Variants in NRG3 observed in about 807,000 individuals in gnomAD.
NRG3 encodes the protein pro-neuregulin-3, membrane-bound isoform.
A neutral mutation model predicts 66.9 loss-of-function variants in NRG3; 31 were observed. The observed-to-expected ratio is 0.46, with a 90% CI of 0.35 to 0.63. NRG3 has a LOEUF of 0.63. NRG3 is among the 20% of genes least tolerant of loss of function. NRG3 has a pLI of 0.00. For missense variants in NRG3, 910 were observed against 878.9 expected, an observed-to-expected ratio of 1.04 and a Z score of -0.45; for synonymous variants, 393 against 359.4, an observed-to-expected ratio of 1.09 and a Z score of -1.06.
At chr10:81,965,544 C>T (rs2059699738) in intron 1 of NRG3, among the ~76,000 whole-genome samples, 1 of 152,118 alleles carries the variant, frequency 6.6e-6, no homozygotes, top group African/African-American at 2.4e-5. Flanking sequence ...TTTTATGATA[C>T]TGAGTTATCC....
chr10:82,660,533 A>T (rs1020791208), intron 2 of NRG3, among the ~76,000 whole-genome samples: 1 of 152,214 alleles, frequency 6.6e-6, no homozygotes, highest in Non-Finnish European at 1.5e-5. Context: ...ACATTAATGT[A>T]AAGTGGCAGT....
chr10:82,623,859 T>C (rs1405504050), intron 2 of NRG3, among the ~76,000 whole-genome samples: 1 of 152,158 alleles, frequency 6.6e-6, no homozygotes, highest in African/African-American at 2.4e-5. Context: ...ATTATTGCAT[T>C]TTCTTACCCC....
intron 2 of NRG3, among the ~76,000 whole-genome samples, chr10:82,541,191 T>C (rs1192695942): frequency 6.6e-6 from 1 of 152,148 alleles, no homozygotes; most frequent in Non-Finnish European, 1.5e-5. Flanking sequence ...CTAATACTTA[T>C]TGGTAGATAT....
intron 1 of NRG3, among the ~76,000 whole-genome samples, chr10:82,007,823 T>G (rs886244397): frequency 2.0e-5 from 3 of 152,184 alleles, no homozygotes; most frequent in Non-Finnish European, 4.4e-5. Context: ...CTTTTTCACC[T>G]GTTATCGTGA....
intron 1 of NRG3, among the ~76,000 whole-genome samples, chr10:82,086,706 G>A (rs930155931): frequency 1.6e-4 from 24 of 152,128 alleles, no homozygotes; most frequent in African/African-American, 5.5e-4. Context: ...TTGGATCTTG[G>A]GCAGGAAAAA....
chr10:82,893,555 G>A (rs4034740), intron 4 of NRG3, among the ~76,000 whole-genome samples: 66,937 of 151,622 alleles, frequency 0.44, 15,128 homozygotes, highest in East Asian at 0.66. Context: ...GGGTGTGTTG[G>A]CGTGTGCCTG....
At chr10:82,275,442 A>G (rs1391914050) in intron 1 of NRG3, among the ~76,000 whole-genome samples, 2 of 152,026 alleles carry the variant, frequency 1.3e-5, no homozygotes, top group Non-Finnish European at 2.9e-5. Flanking sequence ...AGGCACTTAC[A>G]TGACCTAAAA....
intron 1 of NRG3, among the ~76,000 whole-genome samples, chr10:82,210,162 A>C (rs186560603): frequency 3.4e-3 from 519 of 152,284 alleles, no homozygotes; most frequent in African/African-American, 0.012. Flanking sequence ...TTATAAGAAA[A>C]CATTAAAATT....
At position 82,176,880 on chromosome 10, in the gene NRG3, G is replaced by GACACACACACACACACAC. The variant is rs142443398; in HGVS notation, c.824-181851_824-181834dup. The stretch of plus-strand genomic sequence containing the variant: ...CACAAAGCCTCGATTTTTAAAACAA[G>GACACACACACACACACAC]ACACACACACACACACACACACACA... On this transcript the variant is annotated intron_variant, in intron 1 of 8. Transcript: ENST00000372141. Among the ~76,000 whole-genome samples, 733 of 146,228 alleles carry GACACACACACACACACAC rather than the reference G, an allele frequency of 5.0e-3. 2 individuals carry two copies. The highest frequency in any genetic ancestry group is 0.021 in the South Asian group (97 of 4,520).
intron 7 of NRG3, among the ~76,000 whole-genome samples, chr10:82,976,750 T>C (rs2132621986): frequency 6.6e-6 from 1 of 152,264 alleles, no homozygotes; most frequent in East Asian, 1.9e-4. Flanking sequence ...GGGAGGACAG[T>C]GAGGTCATGG....
chr10:82,464,961 TATG>T (rs1355597824), intron 2 of NRG3, among the ~76,000 whole-genome samples: 1 of 148,224 alleles, frequency 6.7e-6, no homozygotes, highest in Non-Finnish European at 1.5e-5. Flanking sequence ...GCTTCTGACT[TATG>T]GTCATAGCTG....
chr10:82,290,077 C>A (rs566023174), intron 1 of NRG3, among the ~76,000 whole-genome samples: 1 of 152,200 alleles, frequency 6.6e-6, no homozygotes, highest in Non-Finnish European at 1.5e-5. Flanking sequence ...ACTACAAACT[C>A]CCCCTTCCTC....
At chr10:82,963,417 A>G (rs1850874624) in intron 6 of NRG3, among the ~76,000 whole-genome samples, 1 of 152,214 alleles carries the variant, frequency 6.6e-6, no homozygotes, top group Admixed American at 6.5e-5. Flanking sequence ...GCGGTGGCTC[A>G]CGCCTGTAAT....
intron 2 of NRG3, among the ~76,000 whole-genome samples, chr10:82,502,695 A>T (rs957560530): frequency 6.6e-6 from 1 of 152,172 alleles, no homozygotes; most frequent in African/African-American, 2.4e-5. Context: ...GTTTCCTCCT[A>T]TATTAATTGT....
intron 1 of NRG3, among the ~76,000 whole-genome samples, chr10:82,353,567 C>G (rs542674062): frequency 6.6e-6 from 1 of 152,272 alleles, no homozygotes; most frequent in Admixed American, 6.5e-5. Flanking sequence ...TCCCTGACCT[C>G]CCTGGGGATA....
intron 2 of NRG3, among the ~76,000 whole-genome samples, chr10:82,688,622 T>C (rs576900427): frequency 3.3e-5 from 5 of 152,326 alleles, no homozygotes; most frequent in African/African-American, 1.2e-4. Flanking sequence ...AATGAGCTAA[T>C]TTCAGTTTTC....
chr10:82,492,623 A>G (rs1156427283), intron 2 of NRG3, among the ~76,000 whole-genome samples: 1 of 152,228 alleles, frequency 6.6e-6, no homozygotes, highest in Non-Finnish European at 1.5e-5. Flanking sequence ...CAGTCATAAC[A>G]GAGTTTGCAA....
chr10:82,203,535 T>G (rs2074957700), intron 1 of NRG3, among the ~76,000 whole-genome samples: 1 of 152,182 alleles, frequency 6.6e-6, no homozygotes, highest in African/African-American at 2.4e-5. Flanking sequence ...GAATTCAGCA[T>G]AAAGACTAGG....
intron 2 of NRG3, among the ~76,000 whole-genome samples, chr10:82,592,029 T>G (rs1565104405): frequency 6.6e-6 from 1 of 152,256 alleles, no homozygotes; most frequent in Admixed American, 6.5e-5. Context: ...TCCCATTTGC[T>G]ACCACAGATT....
Sources: allele counts gnomAD v4.1 joint callset (sites outside exome capture counted in the v4.1 genomes callset), GRCh38; gene constraint gnomAD v4.1.1; transcripts MANE v1.5; gene names NCBI Gene and HGNC (gene_info 2026-07-23, HGNC 2026-07-21).